Variants in SNRNP70 observed in about 807,000 individuals in gnomAD.
SNRNP70 encodes the protein small nuclear ribonucleoprotein U1 subunit 70, also known as U1 small nuclear ribonucleoprotein 70 kDa.
SNRNP70 carries 8 observed loss-of-function variants against 50.5 expected under a neutral mutation model. The observed-to-expected ratio is 0.16, with a 90% CI of 0.09 to 0.29. SNRNP70 has a LOEUF of 0.29. Among genes scored for constraint, SNRNP70 ranks in the 10% least tolerant of loss-of-function variants. SNRNP70 has a pLI of 1.00. For missense variants in SNRNP70, 529 were observed against 663.5 expected (o/e 0.80, Z 2.23); for synonymous variants, 320 against 252.9 (o/e 1.27, Z -2.52).
Position 49,086,284 on chromosome 19 carries a change from A to G in SNRNP70, c.-10-121A>G, listed in dbSNP as rs1191279393. On this transcript the variant is annotated intron_variant, in intron 1 of 9. Transcript: ENST00000598441. ...ACACAGGACTGTTCTCTGCCCTTAC[A>G]GAGCCTGTTTTAATTCCGAGACTTT... The G allele has an allele frequency of 4.3e-6, 5 of 1,151,248 alleles. No homozygotes were observed. In the Admixed American group the frequency reaches 9.4e-5, roughly 22 times the overall value. The allele number at this position is 1,151,248 out of a possible 1,614,324, so 71.3% of individuals were successfully genotyped here.
In SNRNP70 at chr19:49,101,322, T is replaced by A. The variant is rs1452892616; in HGVS notation, c.394-68T>A. ...CCGGCCCAGGGCCTGGTGTGCAGGCTGTTGTGGGGTTGGTGGGGCGGAGCC... is the reference window on the plus strand; with the variant it reads ...CCGGCCCAGGGCCTGGTGTGCAGGCAGTTGTGGGGTTGGTGGGGCGGAGCC... On this transcript the variant is annotated intron_variant, in intron 6 of 9. Coordinates refer to ENST00000598441, the MANE Select transcript of SNRNP70 (RefSeq NM_003089.6). The A allele has an allele frequency of 4.4e-6, 5 of 1,149,226 alleles. No individual in the cohort carries two copies. In the African/African-American group the frequency reaches 6.1e-5, roughly 14 times the overall value. 71.2% of individuals were successfully genotyped at this position (1,149,226 alleles called of 1,614,324 possible). A position where few individuals can be genotyped will look rare whatever the true frequency, so the allele number is the denominator to read the frequency against.
chr19:49,096,421 T>A (rs1340691036), intron 4 of SNRNP70, among the ~76,000 whole-genome samples: 3 of 152,102 alleles, frequency 2.0e-5, no homozygotes, highest in African/African-American at 7.2e-5. Flanking sequence ...GACGTTTCCA[T>A]TTGTCCCAGA....
At position 49,108,234 on chromosome 19, in the gene SNRNP70, G is replaced by C. The variant is rs1338775932; in HGVS notation, c.1105G>C (p.Asp369His). The C allele has an allele frequency of 6.5e-7, 1 of 1,540,602 alleles. No homozygotes were observed. Among genetic ancestry groups the C allele is most frequent in the African/African-American group, 1.4e-5 (1 of 72,826 alleles). The change falls in exon 10 of 10, where the codon GAT becomes CAT. Residue 369 changes from aspartate (D) to histidine (H), a missense_variant. Coordinates refer to ENST00000598441, the MANE Select transcript of SNRNP70 (RefSeq NM_003089.6). Reference sequence around the variant, plus strand: ...CGAGCGCGAGCGGCGCCGGGACCGGGATCGTGACCGTGACCGTGACCGCGA... The same window carrying C: ...CGAGCGCGAGCGGCGCCGGGACCGGCATCGTGACCGTGACCGTGACCGCGA... Reference protein sequence around the residue: ...RSERERRRDRDRDRDRDREHK... With the variant: ...RSERERRRDRHRDRDRDREHK...
Position 49,108,434 on chromosome 19 carries a change from G to A in SNRNP70, c.1305G>A (p.Ala435=), listed in dbSNP as rs569500035. Residue 435 remains alanine, a synonymous_variant, in exon 10 of 10, where the codon GCG becomes GCA. Transcript: ENST00000598441. The stretch of plus-strand genomic sequence containing the variant: ...AGAATGGGTATTTGATGGAGGCTGC[G>A]CCGGAGTGAAGAGGTCGTCCTCTCC... ...APENGYLMEA[A]PE is the part of the protein sequence containing the mutation. 5.4e-5 allele frequency: 87 copies of A among 1,602,164 alleles called. No homozygotes were observed. The highest frequency in any genetic ancestry group is 4.3e-4 in the South Asian group (38 of 88,942).
rs762002567 is a variant in SNRNP70 at position 49,090,488 on chromosome 19, G to A, written c.233G>A (p.Arg78Gln). 6.2e-6 allele frequency: 10 copies of A among 1,614,096 alleles called. No homozygotes were observed. In the South Asian group the frequency reaches 8.8e-5, roughly 14 times the overall value. Residue 78 changes from arginine to glutamine, a missense_variant, in exon 4 of 10, where the codon CGA (arginine) becomes CAA (glutamine). Arg to Gln is a conservative substitution (Grantham distance 43). This residue lies in a region of SNRNP70 where 149 missense variants were observed against 259.7 expected (regional missense o/e 0.57). Coordinates refer to ENST00000598441, the MANE Select transcript of SNRNP70 (RefSeq NM_003089.6). Reference protein sequence around the residue: ...ERKRREKIERRQQEVETELKM... With the variant: ...ERKRREKIERQQQEVETELKM... The stretch of plus-strand genomic sequence containing the variant: ...CAGAGACGGGAAAAGATTGAGCGGC[G>A]ACAGCAAGAAGTGGAGACAGAGCTT...
At position 49,107,761 on chromosome 19, in the gene SNRNP70, A is replaced by T; in HGVS notation, c.666-34A>T. The T allele has an allele frequency of 6.2e-7, 1 of 1,607,242 alleles. No individual in the cohort carries two copies. Among genetic ancestry groups the T allele is most frequent in the Non-Finnish European group, 8.5e-7 (1 of 1,177,498 alleles). The stretch of plus-strand genomic sequence containing the variant: ...TGGGGTGGGGGGCGGTCACGGGGGG[A>T]GCCCAGCCACACAGGTCTGCCCACC... On this transcript the variant is annotated intron_variant, in intron 9 of 9. Coordinates refer to ENST00000598441, the MANE Select transcript of SNRNP70 (RefSeq NM_003089.6). This position sits in a 1 kb window ranked among gnomAD's most constrained non-coding sequence, Gnocchi z 6.0.
chr19:49,098,545 TG>T (rs2040541643), intron 5 of SNRNP70, 54 bp downstream of exon 5: 2 of 1,601,372 alleles, frequency 1.2e-6, no homozygotes, highest in East Asian at 4.5e-5. Flanking sequence ...AGCCTGGGTC[TG>T]GCACAAAGGT....
intron 2 of SNRNP70, 139 bp from the exon 3 acceptor site, chr19:49,090,152 G>A: frequency 1.4e-6 from 1 of 720,174 alleles, no homozygotes; most frequent in African/African-American, 1.7e-5. Context: ...TCCCTCCACT[G>A]TGTCAGGGGA....
At chr19:49,106,636 T>G (rs1266580637) in intron 8 of SNRNP70, among the ~76,000 whole-genome samples, 2 of 152,048 alleles carry the variant, frequency 1.3e-5, no homozygotes, top group Admixed American at 6.6e-5. Flanking sequence ...CAGTGCGAGA[T>G]AGAGGAGCGC....
chr19:49,104,368 G>T lies in SNRNP70; in HGVS notation c.476-266G>T. 4.5e-6 allele frequency: 2 copies of T among 449,152 alleles called. No homozygotes were observed. Among genetic ancestry groups the T allele is most frequent in the Non-Finnish European group, 8.1e-6 (2 of 248,096 alleles). The allele number at this position is 449,152 out of a possible 1,614,324, so 27.8% of individuals were successfully genotyped here. A position where few individuals can be genotyped will look rare whatever the true frequency, so the allele number is the denominator to read the frequency against. On this transcript the variant is annotated intron_variant, in intron 7 of 9. Transcript: ENST00000598441. This position sits in a 1 kb window ranked among gnomAD's most constrained non-coding sequence, Gnocchi z 5.4. ...CATGTGGGAGAGGAAGGGCCGGGGA[G>T]CCTAGGGGGTGGCGGGTGAGGGTGG...
At chr19:49,105,011 C>T (rs2040647653) in intron 8 of SNRNP70, among the ~76,000 whole-genome samples, 2 of 152,170 alleles carry the variant, frequency 1.3e-5, no homozygotes, top group Non-Finnish European at 2.9e-5. Context: ...CTTTTCCTGC[C>T]TCATTGTACT....
chr19:49,090,623 G>C lies in SNRNP70; in HGVS notation c.265+103G>C, dbSNP rs1032442036. On this transcript the variant is annotated intron_variant, in intron 4 of 9. Transcript: ENST00000598441. ...GCTGTCTCCCTAAGGCCTGTGTTGT[G>C]GGGAACAGGGTTGTTAGTTCATTTG... is the stretch of plus-strand genomic sequence containing the variant. 4.6e-6 allele frequency: 5 copies of C among 1,092,464 alleles called. No homozygotes were observed. In the African/African-American group the frequency reaches 7.7e-5, roughly 17 times the overall value. The allele number at this position is 1,092,464 out of a possible 1,614,324, so 67.7% of individuals were successfully genotyped here.
At chr19:49,103,192 C>T (rs734570) in intron 7 of SNRNP70, 25,769 of 152,408 alleles carry the variant, frequency 0.17, 2,342 homozygotes, top group African/African-American at 0.19. Context: ...GGACAGGTTT[C>T]TGAGGCCTCC....
At chr19:49,094,054 G>A (rs752099042) in intron 4 of SNRNP70, among the ~76,000 whole-genome samples, 4 of 152,006 alleles carry the variant, frequency 2.6e-5, no homozygotes, top group African/African-American at 4.8e-5. Flanking sequence ...CCAATTGGGC[G>A]AACAAAAAAG....
At chr19:49,099,433 A>G (rs2040553248) in intron 6 of SNRNP70, among the ~76,000 whole-genome samples, 2 of 152,144 alleles carry the variant, frequency 1.3e-5, no homozygotes, top group Admixed American at 1.3e-4. Flanking sequence ...CACAAAGGAA[A>G]AAAAAAGTAT....
At chr19:49,088,494 C>T (rs1221757064) in intron 2 of SNRNP70, among the ~76,000 whole-genome samples, 15 of 132,548 alleles carry the variant, frequency 1.1e-4, no homozygotes, top group Non-Finnish European at 1.9e-4. Flanking sequence ...CCACCGCACC[C>T]GACCTTTTTT....
rs755640896 is a variant in SNRNP70 at position 49,104,217 on chromosome 19, G to GT, written c.476-416dup. On this transcript the variant is annotated intron_variant, in intron 7 of 9. Coordinates refer to ENST00000598441, the MANE Select transcript of SNRNP70 (RefSeq NM_003089.6). The surrounding 1 kb of genome is among the most constrained non-coding windows in gnomAD (Gnocchi z 5.4). ...CAGCTGGGCCTCCTGCCCCGGCTTG[G>GT]TGTCTCAGGGTGCATGCTTGGGGTT... 2.0e-3 allele frequency: 330 copies of GT among 163,722 alleles called. 2 individuals are homozygous for GT. Among genetic ancestry groups the GT allele is most frequent in the Non-Finnish European group, 1.9e-3 (141 of 75,762 alleles). The allele number at this position is 163,722 out of a possible 1,614,324, so 10.1% of individuals were successfully genotyped here.
chr19:49,090,544 GCT>G (rs2040435198), intron 4 of SNRNP70, 24 bp downstream of exon 4: 3 of 1,611,206 alleles, frequency 1.9e-6, no homozygotes, highest in South Asian at 2.2e-5. Flanking sequence ...CCACCATTTG[GCT>G]CTCTCCTCTC....
rs180929312 is a variant in SNRNP70, at chr19:49,085,500, C to G, written c.-147C>G. ...TGGCTGAGCAGCGGCCTGGTGCGCT[C>G]GCTTAGCGGGCGACGGAATCAGACG... On this transcript the variant is annotated 5_prime_UTR_variant, in exon 1 of 10. Transcript: ENST00000598441. 27 of 453,986 alleles carry G rather than the reference C, an allele frequency of 5.9e-5. No individual in the cohort carries two copies. In the East Asian group the frequency reaches 1.7e-3, roughly 28 times the overall value. 28.1% of individuals were successfully genotyped at this position (453,986 alleles called of 1,614,324 possible). A position where few individuals can be genotyped will look rare whatever the true frequency, so the allele number is the denominator to read the frequency against.
Sources: allele counts gnomAD v4.1 joint callset (sites outside exome capture counted in the v4.1 genomes callset), GRCh38; gene constraint gnomAD v4.1.1; regional missense constraint gnomAD v4.1.1; non-coding constraint Gnocchi (gnomAD v3.1); transcripts MANE v1.5; gene names NCBI Gene and HGNC (gene_info 2026-07-23, HGNC 2026-07-21).